The following VAV2 variants were observed in gnomAD, a reference collection of about 807,000 sequenced individuals.
VAV2 encodes vav guanine nucleotide exchange factor 2, also known as guanine nucleotide exchange factor VAV2.
In VAV2, 67 loss-of-function variants were observed where a neutral mutation model predicts 132.5. The observed-to-expected ratio is 0.51, with a 90% confidence interval of 0.42 to 0.62. The LOEUF is 0.62. Among genes scored for constraint, VAV2 ranks in the 20% least tolerant of loss-of-function variants. VAV2 has a pLI of 0.00. For synonymous variants in VAV2, 492 were observed against 443.5 expected, an observed-to-expected ratio of 1.11 and a Z score of -1.37; for missense variants, 938 against 1,153.6, an observed-to-expected ratio of 0.81 and a Z score of 2.71.
intron 4 of VAV2, among the ~76,000 whole-genome samples, chr9:133,820,609 G>A (rs369448884): frequency 1.3e-4 from 20 of 152,314 alleles, no homozygotes; most frequent in African/African-American, 4.8e-4. Flanking sequence ...ACAGGCGTGA[G>A]CCACCGCGCC....
At position 133,883,475 on chromosome 9, in the gene VAV2, G is replaced by C; in HGVS notation, c.322-22043C>G. Reference sequence around the variant, plus strand: ...AGCTCAGCCACTTAAAAATTCGTCGGAACATGTTGAAACAATGAGGGGATA... The same window carrying C: ...AGCTCAGCCACTTAAAAATTCGTCGCAACATGTTGAAACAATGAGGGGATA... On this transcript the variant is annotated intron_variant, in intron 2 of 29. Coordinates refer to ENST00000371850, the MANE Select transcript of VAV2 (RefSeq NM_001134398.2). The surrounding 1 kb of genome is among the most constrained non-coding windows in gnomAD (Gnocchi z 4.2). Among the ~76,000 whole-genome samples, 1 of 152,092 alleles carries C rather than the reference G, an allele frequency of 6.6e-6. No individual in the cohort carries two copies. Among genetic ancestry groups the C allele is most frequent in the East Asian group, 1.9e-4 (1 of 5,172 alleles).
rs965535920 is a variant in VAV2, at chr9:133,857,313, C to T, written c.380+4061G>A. 6.6e-6 allele frequency among the ~76,000 whole-genome samples: 1 copy of T among 152,220 alleles called. No individual in the cohort carries two copies. Among genetic ancestry groups the T allele is most frequent in the Non-Finnish European group, 1.5e-5 (1 of 68,044 alleles). On this transcript the variant is annotated intron_variant, in intron 3 of 29. Coordinates refer to ENST00000371850, the MANE Select transcript of VAV2 (RefSeq NM_001134398.2). This position sits in a 1 kb window ranked among gnomAD's most constrained non-coding sequence, Gnocchi z 4.0. ...CCACTCTACAACCACAATCCTCCCC[C>T]TTGCCCCGCTTCCCCAACACGTTTG... is the stretch of plus-strand genomic sequence containing the variant.
Position 133,891,070 on chromosome 9 carries a change from A to G in VAV2, c.322-29638T>C, listed in dbSNP as rs368597600. Among the ~76,000 whole-genome samples the G allele has an allele frequency of 1.8e-3, 280 of 151,824 alleles. 4 individuals carry two copies. The highest frequency in any genetic ancestry group is 6.5e-3 in the African/African-American group (270 of 41,414). Reference sequence around the variant, plus strand: ...GGTAGAGGAGTGAAAAATGTAAAAAAGGCAAAGAAGATTTTCTCTCCAAGG... The same window carrying G: ...GGTAGAGGAGTGAAAAATGTAAAAAGGGCAAAGAAGATTTTCTCTCCAAGG... On this transcript the variant is annotated intron_variant, in intron 2 of 29. Transcript: ENST00000371850.
intron 2 of VAV2, among the ~76,000 whole-genome samples, chr9:133,873,489 G>T (rs1046067219): frequency 1.3e-5 from 2 of 152,254 alleles, no homozygotes; most frequent in Non-Finnish European, 2.9e-5. Flanking sequence ...TCTGCACAGT[G>T]CTCCGGGCAG....
intron 2 of VAV2, among the ~76,000 whole-genome samples, chr9:133,904,759 G>A (rs1319178794): frequency 6.6e-6 from 1 of 152,260 alleles, no homozygotes; most frequent in African/African-American, 2.4e-5. Flanking sequence ...CTGAGTCAGT[G>A]CTGAGGGCCC....
At position 133,970,121 on chromosome 9, in the gene VAV2, C is replaced by T. The variant is rs1290642922; in HGVS notation, c.204+21954G>A. On this transcript the variant is annotated intron_variant, in intron 1 of 29. Transcript: ENST00000371850. ...GCTCCCACAATGGCCACACTCCTCC[C>T]GCTCCCCTCAGACTCTGCAGGACTC... is the stretch of plus-strand genomic sequence containing the variant. Among the ~76,000 whole-genome samples, 5 of 152,152 alleles carry T rather than the reference C, an allele frequency of 3.3e-5. No individual in the cohort carries two copies. In the East Asian group the frequency reaches 7.7e-4, roughly 24 times the overall value.
intron 1 of VAV2, among the ~76,000 whole-genome samples, chr9:133,977,073 G>A (rs911992230): frequency 3.3e-5 from 5 of 152,308 alleles, no homozygotes; most frequent in Admixed American, 1.3e-4. Context: ...TGGGAGTTGC[G>A]GAGCCCAGCT....
chr9:133,792,101 G>A (rs375912970), intron 12 of VAV2, among the ~76,000 whole-genome samples: 10 of 140,832 alleles, frequency 7.1e-5, no homozygotes, highest in Middle Eastern at 4.0e-3. Context: ...GTGTGTGAGC[G>A]GGCTGTACTG....
intron 3 of VAV2, among the ~76,000 whole-genome samples, chr9:133,847,596 C>T (rs774834696): frequency 2.0e-5 from 3 of 152,190 alleles, no homozygotes; most frequent in Admixed American, 6.5e-5. Context: ...GAATACTGGG[C>T]CCGGAACCCT....
Position 133,807,286 on chromosome 9 carries a change from T to G in VAV2, c.707A>C (p.Asp236Ala), listed in dbSNP as rs759066470. Residue 236 changes from aspartate to alanine, a missense_variant, in exon 8 of 30, where the codon GAC becomes GCC. Coordinates refer to ENST00000371850, the MANE Select transcript of VAV2 (RefSeq NM_001134398.2). Reference sequence around the variant, plus strand: ...CAGGTTAATGAAGACAGCTGCCATGTCCGCCGGGCTCAGCACCAGCCGCAG... The same window carrying G: ...CAGGTTAATGAAGACAGCTGCCATGGCCGCCGGGCTCAGCACCAGCCGCAG... ...SPLRLVLSPA[D>A]MAAVFINLED... 3.1e-6 allele frequency: 5 copies of G among 1,611,190 alleles called. No homozygotes were observed. In the Admixed American group the frequency reaches 5.0e-5, roughly 16 times the overall value.
At chr9:133,864,049 A>G (rs554494866) in intron 2 of VAV2, among the ~76,000 whole-genome samples, 8 of 152,148 alleles carry the variant, frequency 5.3e-5, no homozygotes, top group African/African-American at 1.7e-4. Flanking sequence ...CAATGATCAA[A>G]CACCTCTTAG....
At chr9:133,820,865 G>C (rs904364037) in intron 4 of VAV2, among the ~76,000 whole-genome samples, 3 of 152,194 alleles carry the variant, frequency 2.0e-5, no homozygotes, top group African/African-American at 7.2e-5. Context: ...GTCCCATTGT[G>C]CAAGGACCCT....
chr9:133,958,356 G>A (rs28366873), intron 1 of VAV2, among the ~76,000 whole-genome samples: 7,547 of 146,956 alleles, frequency 0.051, 595 homozygotes, highest in African/African-American at 0.17. Flanking sequence ...ACCGCCTTAG[G>A]GCTGGAGGTG....
intron 1 of VAV2, among the ~76,000 whole-genome samples, chr9:133,940,536 C>T (rs371622716): frequency 9.8e-5 from 15 of 152,292 alleles, no homozygotes; most frequent in African/African-American, 3.6e-4. Context: ...TGACCCCTCA[C>T]CCTGCCTCAC....
At chr9:133,783,944 C>T (rs891611888) in intron 18 of VAV2, among the ~76,000 whole-genome samples, 3 of 141,386 alleles carry the variant, frequency 2.1e-5, no homozygotes, top group Non-Finnish European at 4.5e-5. Context: ...GCAGTGGCGA[C>T]ATCACAGCTC....
chr9:133,883,632 C>G lies in VAV2; in HGVS notation c.322-22200G>C, dbSNP rs982297610. 3.3e-5 allele frequency among the ~76,000 whole-genome samples: 5 copies of G among 152,196 alleles called. No homozygotes were observed. Among genetic ancestry groups the G allele is most frequent in the African/African-American group, 1.2e-4 (5 of 41,456 alleles). ...AGCAGCAGGCAGGTTTCAGCTCGGC[C>G]GGAGCAGGCCCTCAGGCACTGGACC... is the stretch of plus-strand genomic sequence containing the variant. On this transcript the variant is annotated intron_variant, in intron 2 of 29. Transcript: ENST00000371850. This position sits in a 1 kb window ranked among gnomAD's most constrained non-coding sequence, Gnocchi z 4.2.
chr9:133,828,812 C>A (rs982184884), intron 4 of VAV2, among the ~76,000 whole-genome samples: 1 of 152,244 alleles, frequency 6.6e-6, no homozygotes, highest in East Asian at 1.9e-4. Context: ...AGATGGGGAG[C>A]CCCACCTTGC....
At chr9:133,792,671 C>G in intron 12 of VAV2, among the ~76,000 whole-genome samples, 1 of 81,544 alleles carries the variant, frequency 1.2e-5, no homozygotes, top group Non-Finnish European at 2.4e-5. Flanking sequence ...AGCTCAGCCC[C>G]CAAGGGACCC....
intron 12 of VAV2, among the ~76,000 whole-genome samples, chr9:133,793,039 C>A (rs1834559727): frequency 6.6e-6 from 1 of 152,120 alleles, no homozygotes; most frequent in African/African-American, 2.4e-5. Flanking sequence ...CTTCCCCCTC[C>A]CCAGCCTCTC....
Sources: allele counts gnomAD v4.1 joint callset (sites outside exome capture counted in the v4.1 genomes callset), GRCh38; gene constraint gnomAD v4.1.1; non-coding constraint Gnocchi (gnomAD v3.1); transcripts MANE v1.5; gene names NCBI Gene and HGNC (gene_info 2026-07-23, HGNC 2026-07-21).